NAALADL2: variants seen among roughly 807,000 people sequenced by gnomAD.
NAALADL2 encodes the protein inactive N-acetylated-alpha-linked acidic dipeptidase-like protein 2.
A neutral mutation model predicts 87.2 loss-of-function variants in NAALADL2; 76 were observed. The ratio of observed to expected loss-of-function variants is 0.87; its 90% CI spans 0.72 to 1.05. The LOEUF (loss-of-function observed/expected upper bound fraction) is 1.05. Among genes scored for constraint, NAALADL2 ranks in the 50% least tolerant of loss-of-function variants. The pLI is 0.00. For missense variants in NAALADL2, 1,089 were observed against 945.8 expected, an observed-to-expected ratio of 1.15 and a Z score of -1.99; for synonymous variants, 354 against 331.0, an observed-to-expected ratio of 1.07 and a Z score of -0.75.
chr3:174,875,899 C>T (rs376041952), intron 1 of NAALADL2, among the ~76,000 whole-genome samples: 1 of 151,784 alleles, frequency 6.6e-6, no homozygotes, highest in East Asian at 1.9e-4. Context: ...TGAAAAATAC[C>T]TCAATCATGC....
chr3:175,047,484 G>A (rs746718200), intron 1 of NAALADL2, among the ~76,000 whole-genome samples: 6 of 151,644 alleles, frequency 4.0e-5, no homozygotes, highest in Non-Finnish European at 5.9e-5. Context: ...TTACACTAGG[G>A]GATTTTCTGA....
chr3:175,662,039 T>C (rs574900641), intron 11 of NAALADL2, among the ~76,000 whole-genome samples: 35 of 152,092 alleles, frequency 2.3e-4, no homozygotes, highest in African/African-American at 7.9e-4. Flanking sequence ...AAATCATTTT[T>C]GGTATTTTTT....
chr3:174,543,063 G>A (rs770975244), intron 1 of NAALADL2, among the ~76,000 whole-genome samples: 8 of 152,136 alleles, frequency 5.3e-5, no homozygotes, highest in East Asian at 1.9e-4. Context: ...AGCAGGTAAC[G>A]TCAGGGAGAT....
intron 1 of NAALADL2, among the ~76,000 whole-genome samples, chr3:175,040,811 G>A (rs770629700): frequency 1.1e-4 from 17 of 152,070 alleles, no homozygotes; most frequent in African/African-American, 4.1e-4. Flanking sequence ...TCATGCTTCT[G>A]TTTTTTCCAA....
chr3:174,577,447 A>C (rs1310470157), intron 2 of NAALADL2, among the ~76,000 whole-genome samples: 1 of 152,138 alleles, frequency 6.6e-6, no homozygotes, highest in Non-Finnish European at 1.5e-5. Context: ...GGATACTTGC[A>C]TTTGTGTGGT....
intron 1 of NAALADL2, among the ~76,000 whole-genome samples, chr3:174,486,399 G>A (rs1011301783): frequency 6.6e-6 from 1 of 152,020 alleles, no homozygotes. Context: ...GGGGCCCCTC[G>A]ATGGCTGGGT....
intron 5 of NAALADL2, among the ~76,000 whole-genome samples, chr3:175,387,817 T>G (rs1208209255): frequency 6.6e-6 from 1 of 152,106 alleles, no homozygotes. Flanking sequence ...TGTCTATTTA[T>G]TATATGCAGG....
In NAALADL2 at chr3:175,116,491, A is replaced by C. The variant is rs560691872; in HGVS notation, c.545+19200A>C. Among the ~76,000 whole-genome samples, 16 of 152,172 alleles carry C rather than the reference A, an allele frequency of 1.1e-4. No homozygotes were observed. The South Asian group carries it at 1.9e-3, about 18-fold the overall frequency. The stretch of plus-strand genomic sequence containing the variant: ...GTGAACTCCCATTCACAATTGCTTC[A>C]AAGAGAATAAAATACCTAGGAATCC... On this transcript the variant is annotated intron_variant, in intron 2 of 13. Coordinates refer to ENST00000454872, the MANE Select transcript of NAALADL2 (RefSeq NM_207015.3).
chr3:174,934,119 A>G (rs1419760381), intron 1 of NAALADL2, among the ~76,000 whole-genome samples: 1 of 152,130 alleles, frequency 6.6e-6, no homozygotes, highest in Non-Finnish European at 1.5e-5. Flanking sequence ...CATCCACCCC[A>G]TTTATTCAGC....
intron 2 of NAALADL2, among the ~76,000 whole-genome samples, chr3:174,673,984 T>G (rs2108808687): frequency 6.6e-6 from 1 of 152,130 alleles, no homozygotes; most frequent in South Asian, 2.1e-4. Flanking sequence ...ATTCTTACAT[T>G]GCTATAAATA....
At chr3:174,844,834 G>GTTTTTTTTT (rs1560280732) in intron 3 of NAALADL2, among the ~76,000 whole-genome samples, 1 of 76,448 alleles carries the variant, frequency 1.3e-5, no homozygotes, top group African/African-American at 6.5e-5. Flanking sequence ...TAGTTCTAAT[G>GTTTTTTTTT]GTTTTTTTTT....
chr3:174,623,233 A>C (rs1268625193), intron 2 of NAALADL2, among the ~76,000 whole-genome samples: 2 of 152,236 alleles, frequency 1.3e-5, no homozygotes, highest in Non-Finnish European at 1.5e-5. Flanking sequence ...TTTTAAGCAG[A>C]TACTTGGAAC....
chr3:175,667,743 G>GTT (rs58514374), intron 11 of NAALADL2, among the ~76,000 whole-genome samples: 46 of 120,030 alleles, frequency 3.8e-4, no homozygotes, highest in East Asian at 1.5e-3. Context: ...GTTTTTTGCT[G>GTT]TTTTTTTTTT....
chr3:174,995,743 A>G (rs776957893), intron 1 of NAALADL2, among the ~76,000 whole-genome samples: 4 of 152,034 alleles, frequency 2.6e-5, no homozygotes, highest in Non-Finnish European at 5.9e-5. Flanking sequence ...TCTTAAATCT[A>G]TGCCTTAAAC....
chr3:175,305,515 T>A (rs62286964), intron 4 of NAALADL2, among the ~76,000 whole-genome samples: 36,603 of 151,908 alleles, frequency 0.24, 4,571 homozygotes, highest in Middle Eastern at 0.27. Context: ...TTCTTTATCT[T>A]TTTCTTTTTC....
At chr3:174,608,481 A>G (rs1719384762) in intron 2 of NAALADL2, among the ~76,000 whole-genome samples, 1 of 151,494 alleles carries the variant, frequency 6.6e-6, no homozygotes, top group African/African-American at 2.4e-5. Flanking sequence ...TAAAGGGGAT[A>G]TCACCACCGA....
At chr3:175,592,820 CAT>C (rs1412839323) in intron 10 of NAALADL2, among the ~76,000 whole-genome samples, 12 of 151,564 alleles carry the variant, frequency 7.9e-5, no homozygotes, top group Non-Finnish European at 1.8e-4. Context: ...AGCACACCAG[CAT>C]GGCACATGTA....
At chr3:175,676,621 A>G (rs1027925907) in intron 11 of NAALADL2, 1 of 151,794 alleles carries the variant, frequency 6.6e-6, no homozygotes, top group African/African-American at 2.4e-5. Flanking sequence ...GTCTATCCAA[A>G]TCAGTGTGCT....
intron 10 of NAALADL2, among the ~76,000 whole-genome samples, chr3:175,582,221 A>C (rs144656471): frequency 6.6e-6 from 1 of 151,964 alleles, no homozygotes; most frequent in Non-Finnish European, 1.5e-5. Flanking sequence ...CAAATACTAA[A>C]AAAAAAAAAG....
Sources: gnomAD v4.1 joint callset for allele counts (sites outside exome capture counted in the v4.1 genomes callset) on GRCh38, gnomAD v4.1.1 for gene constraint, MANE v1.5 for transcripts, NCBI Gene and HGNC (gene_info 2026-07-23, HGNC 2026-07-21) for gene names.